The following CCT8 variants were observed in gnomAD, a reference collection of about 807,000 sequenced individuals.
CCT8 encodes chaperonin containing TCP1 subunit 8, also known as T-complex protein 1 subunit theta.
CCT8 carries 10 observed loss-of-function variants against 65.7 expected under a neutral mutation model. The observed-to-expected ratio is 0.15, with a 90% CI of 0.09 to 0.26. The LOEUF is 0.26. Ranked by LOEUF, CCT8 falls within the 10% of genes least tolerant of loss-of-function variation. The probability of loss-of-function intolerance (pLI) is 1.00; values close to 1 mark genes in which losing one functional copy is unlikely to be tolerated. For missense variants in CCT8, 568 were observed against 669.1 expected (o/e 0.85, Z 1.67); for synonymous variants, 199 against 221.8 (o/e 0.90, Z 0.92).
At chr21:29,073,277 T>C in intron 1 of CCT8, 1 of 1,321,046 alleles carries the variant, frequency 7.6e-7, no homozygotes, top group Non-Finnish European at 9.7e-7. Context: ...TTCACATCCG[T>C]CCACCTTCAA....
At position 29,061,585 on chromosome 21, in the gene CCT8, AC is replaced by A; in HGVS notation, c.1213-19del. 1 of 1,596,144 alleles carries A rather than the reference AC, an allele frequency of 6.3e-7. No homozygotes were observed. ...CGTTTATCCTGTATGTAGCGCCCCC[AC>A]CAAAAAAAAAATGAACACAAAACAA... On this transcript the variant is annotated intron_variant, in intron 11 of 14. Transcript: ENST00000286788.
chr21:29,068,488 C>T (rs2085647917), intron 3 of CCT8, among the ~76,000 whole-genome samples: 1 of 151,780 alleles, frequency 6.6e-6, no homozygotes, highest in South Asian at 2.1e-4. Context: ...GAGATGGAGT[C>T]TTGCTCTGTC....
intron 1 of CCT8, 158 bp downstream of exon 1, chr21:29,073,373 A>G: frequency 6.9e-7 from 1 of 1,448,498 alleles, no homozygotes. Flanking sequence ...CCGGTGGCCG[A>G]GCCCTTCCAA....
At chr21:29,072,047 G>A (rs2085686539) in intron 1 of CCT8, 2 of 689,492 alleles carry the variant, frequency 2.9e-6, no homozygotes, top group Admixed American at 2.1e-5. Context: ...CTTCCTCAGG[G>A]TCTTTGTACT....
chr21:29,067,710 T>G lies in CCT8; in HGVS notation c.232-5A>C. The G allele has an allele frequency of 7.4e-7, 1 of 1,348,972 alleles. No individual in the cohort carries two copies. Among genetic ancestry groups the G allele is most frequent in the Non-Finnish European group, 9.6e-7 (1 of 1,041,804 alleles). 83.6% of individuals were successfully genotyped at this position (1,348,972 alleles called of 1,614,324 possible). A position where few individuals can be genotyped will look rare whatever the true frequency, so the allele number is the denominator to read the frequency against. ...TTTTGCAGCAGGATGCTGTACCTAGTAGAAAAGGTAATATCAAGTTAAACA... is the reference window on the plus strand; with the variant it reads ...TTTTGCAGCAGGATGCTGTACCTAGGAGAAAAGGTAATATCAAGTTAAACA... On this transcript the variant is annotated splice_polypyrimidine_tract_variant and splice_region_variant and intron_variant, in intron 3 of 14. Transcript: ENST00000286788.
chr21:29,061,852 C>G (rs778995124), intron 11 of CCT8, among the ~76,000 whole-genome samples: 1 of 152,188 alleles, frequency 6.6e-6, no homozygotes, highest in Non-Finnish European at 1.5e-5. Context: ...ACTGCTTTAG[C>G]AACTAACAGT....
chr21:29,068,419 C>T (rs2085646754), intron 3 of CCT8, among the ~76,000 whole-genome samples: 1 of 152,022 alleles, frequency 6.6e-6, no homozygotes, highest in African/African-American at 2.4e-5. Context: ...TAAAATTTAA[C>T]TTTTAACTTA....
intron 3 of CCT8, among the ~76,000 whole-genome samples, chr21:29,068,096 AAT>A (rs2085643529): frequency 6.6e-6 from 1 of 152,198 alleles, no homozygotes; most frequent in East Asian, 1.9e-4. Context: ...CATGACTCTC[AAT>A]ATCTATTTTA....
At chr21:29,072,119 C>A in intron 1 of CCT8, 4 of 609,548 alleles carry the variant, frequency 6.6e-6, no homozygotes, top group Non-Finnish European at 1.2e-5. Flanking sequence ...AGCCCAGGCT[C>A]AGGGGCTTCT....
At chr21:29,059,543 A>T (rs1217085126) in intron 14 of CCT8, 1 of 152,156 alleles carries the variant, frequency 6.6e-6, no homozygotes, top group Non-Finnish European at 1.5e-5. Flanking sequence ...CGTCCCTGCT[A>T]TTTTTGGTTT....
intron 1 of CCT8, 95 bp from the exon 2 acceptor site, chr21:29,070,432 T>C: frequency 1.5e-6 from 1 of 669,734 alleles, no homozygotes; most frequent in Non-Finnish European, 2.5e-6. Flanking sequence ...ATCTTGCCTC[T>C]AATAAAGAGG....
intron 1 of CCT8, among the ~76,000 whole-genome samples, chr21:29,070,754 T>A (rs1180759460): frequency 1.3e-5 from 2 of 152,194 alleles, no homozygotes; most frequent in African/African-American, 4.8e-5. Flanking sequence ...TAGTGAAAAG[T>A]ACAGGGAACC....
chr21:29,062,872 A>G (rs954494833), intron 8 of CCT8: 4 of 394,356 alleles, frequency 1.0e-5, no homozygotes, highest in African/African-American at 6.2e-5. Context: ...AAACCCTTAC[A>G]AAACTCAACA....
chr21:29,073,371 C>T (rs2085705416), intron 1 of CCT8, 160 bp downstream of exon 1: 3 of 1,445,512 alleles, frequency 2.1e-6, no homozygotes, highest in South Asian at 1.4e-5. Flanking sequence ...CTCCGGTGGC[C>T]GAGCCCTTCC....
intron 2 of CCT8, 65 bp downstream of exon 2, chr21:29,070,182 T>A: frequency 1.0e-6 from 1 of 980,844 alleles, no homozygotes; most frequent in Non-Finnish European, 1.5e-6. Flanking sequence ...AGAACAAGTC[T>A]GAAAGAAGAC....
At chr21:29,063,242 AC>A in intron 8 of CCT8, 109 bp downstream of exon 8, 1 of 792,328 alleles carries the variant, frequency 1.3e-6, no homozygotes, top group South Asian at 1.7e-5. Context: ...TTGACCTAGT[AC>A]CTTTACTTTC....
chr21:29,068,864 G>A (rs776668781), intron 3 of CCT8, among the ~76,000 whole-genome samples: 3 of 152,228 alleles, frequency 2.0e-5, no homozygotes, highest in Non-Finnish European at 4.4e-5. Flanking sequence ...CTAAGCTTCA[G>A]GAAAATTCCC....
In CCT8 at chr21:29,065,051, T is replaced by C. The variant is rs745786262; in HGVS notation, c.679A>G (p.Thr227Ala). 15 of 1,613,878 alleles carry C rather than the reference T, an allele frequency of 9.3e-6. No homozygotes were observed. Among genetic ancestry groups the C allele is most frequent in the Non-Finnish European group, 1.3e-5 (15 of 1,179,928 alleles). ...TTGACAGATGTTACATCACCTTCGGTTTCCTTCTTAAAAACCATGCCATGC... is the reference window on the plus strand; with the variant it reads ...TTGACAGATGTTACATCACCTTCGGCTTCCTTCTTAAAAACCATGCCATGC... ...VLHGMVFKKE[T>A]EGDVTSVKDA... The change falls in exon 7 of 15, where the codon ACC becomes GCC. Residue 227 changes from threonine (T) to alanine (A), a missense_variant. Coordinates refer to ENST00000286788, the MANE Select transcript of CCT8 (RefSeq NM_006585.4).
chr21:29,060,120 A>G (rs912539790), intron 14 of CCT8: 1 of 152,090 alleles, frequency 6.6e-6, no homozygotes, highest in African/African-American at 2.4e-5. Flanking sequence ...ATATGATTTT[A>G]AACACCTTTA....
Sources: gnomAD v4.1 joint callset for allele counts (sites outside exome capture counted in the v4.1 genomes callset) on GRCh38, gnomAD v4.1.1 for gene constraint, MANE v1.5 for transcripts, NCBI Gene and HGNC (gene_info 2026-07-23, HGNC 2026-07-21) for gene names.